Variants in CYP2J2 observed in about 807,000 individuals in gnomAD.
CYP2J2 encodes the protein cytochrome P450 2J2.
CYP2J2 carries 41 observed loss-of-function variants against 48.8 expected under a neutral mutation model. That is an observed-to-expected ratio of 0.84 (90% CI 0.66 to 1.09). The LOEUF (loss-of-function observed/expected upper bound fraction) is 1.09, where lower values mean the gene tolerates loss of function less well. Among genes scored for constraint, CYP2J2 ranks in the 50% least tolerant of loss-of-function variants. The probability of loss-of-function intolerance (pLI) is 0.00; values close to 1 mark genes in which losing one functional copy is unlikely to be tolerated. For synonymous variants in CYP2J2, 221 were observed against 227.1 expected (o/e 0.97, Z 0.24); for missense variants, 644 against 617.3 (o/e 1.04, Z -0.46).
rs781630739 is a variant in CYP2J2 at position 59,909,817 on chromosome 1, G to A, written c.828C>T (p.Asp276=). Residue 276 remains aspartate (D), a synonymous_variant, in exon 5 of 9, where the codon GAC becomes GAT. Coordinates refer to ENST00000371204, the MANE Select transcript of CYP2J2 (RefSeq NM_000775.4). Reference sequence around the variant, plus strand: ...TTTCTTTAAGGTAAGCATCAATAAAGTCTCTTGTTTCTGCAGGATTCCAAT... The same window carrying A: ...TTTCTTTAAGGTAAGCATCAATAAAATCTCTTGTTTCTGCAGGATTCCAAT... ...RKDWNPAETR[D]FIDAYLKEMS... 2 of 1,597,398 alleles carry A rather than the reference G, an allele frequency of 1.3e-6. No homozygotes were observed. Among genetic ancestry groups the A allele is most frequent in the South Asian group, 2.3e-5 (2 of 87,002 alleles).
chr1:59,921,211 C>A (rs985584830), intron 1 of CYP2J2, among the ~76,000 whole-genome samples: 4 of 152,270 alleles, frequency 2.6e-5, no homozygotes, highest in Admixed American at 2.6e-4. Context: ...CTAACCATGT[C>A]ATGAAAAGTC....
the CYP2J2 span, among the ~76,000 whole-genome samples, chr1:59,954,111 C>T: frequency 1.3e-5 from 2 of 152,146 alleles, no homozygotes; most frequent in Non-Finnish European, 1.5e-5. Context: ...CTACTTCCCC[C>T]ATCCTGATAT....
chr1:59,904,904 A>T lies in CYP2J2; in HGVS notation c.1158T>A (p.Val386=). 2.5e-6 allele frequency: 4 copies of T among 1,613,882 alleles called. No individual in the cohort carries two copies. The South Asian group carries it at 3.3e-5, about 13-fold the overall frequency. ...GGTGGTACCCAGCCAAAGTGGTATC[A>T]ACTGTCACTTCCCTGGGAACGTTCA... ...IPLNVPREVT[V]DTTLAGYHLP... is the part of the protein sequence containing the mutation. The change falls in exon 7 of 9, where the codon GTT becomes GTA. Residue 386 remains valine (V), a synonymous_variant. Transcript: ENST00000371204.
chr1:59,965,800 C>A, the CYP2J2 span, among the ~76,000 whole-genome samples: 18 of 152,166 alleles, frequency 1.2e-4, no homozygotes, highest in Admixed American at 1.0e-3. Context: ...TACAGGCACC[C>A]CCCACCGTGC....
At chr1:59,901,150 G>A in intron 7 of CYP2J2, 47 bp from the exon 8 acceptor site, 1 of 1,594,482 alleles carries the variant, frequency 6.3e-7, no homozygotes, top group Non-Finnish European at 8.6e-7. Context: ...CCATGAAAAA[G>A]CACACCTATG....
chr1:59,963,334 G>C, the CYP2J2 span, among the ~76,000 whole-genome samples: 1,006 of 152,194 alleles, frequency 6.6e-3, 4 homozygotes, highest in East Asian at 0.023. Flanking sequence ...CTCTGTACTC[G>C]TTAAGCCATA....
chr1:59,940,205 G>A, the CYP2J2 span, among the ~76,000 whole-genome samples: 7 of 152,116 alleles, frequency 4.6e-5, no homozygotes, highest in Non-Finnish European at 8.8e-5. Context: ...CCAGAAAGTC[G>A]CAGAGTCTCA....
At chr1:59,911,461 T>G (rs1570693) in intron 4 of CYP2J2, 147 bp downstream of exon 4, 150,336 of 562,038 alleles carry the variant, frequency 0.27, 21,562 homozygotes, top group African/African-American at 0.43. Context: ...TCAATAGATT[T>G]ATTTCAAATA....
the CYP2J2 span, among the ~76,000 whole-genome samples, chr1:59,959,118 C>T: frequency 6.6e-6 from 1 of 152,224 alleles, no homozygotes; most frequent in South Asian, 2.1e-4. Context: ...CAATTAGGCC[C>T]CTTGTCCTTT....
chr1:59,907,940 A>G lies in CYP2J2; in HGVS notation c.862-13T>C. ...GATTGCCTGTGTGCTAGAAAACACAATGTTTGATGTTATTTATTGGTTTAT... is the reference window on the plus strand; with the variant it reads ...GATTGCCTGTGTGCTAGAAAACACAGTGTTTGATGTTATTTATTGGTTTAT... On this transcript the variant is annotated splice_polypyrimidine_tract_variant and intron_variant, in intron 5 of 8. Transcript: ENST00000371204. The G allele has an allele frequency of 6.2e-7, 1 of 1,613,468 alleles. No individual in the cohort carries two copies. Among genetic ancestry groups the G allele is most frequent in the South Asian group, 1.1e-5 (1 of 91,036 alleles).
At chr1:59,940,750 A>G in the CYP2J2 span, among the ~76,000 whole-genome samples, 1 of 152,220 alleles carries the variant, frequency 6.6e-6, no homozygotes, top group African/African-American at 2.4e-5. Flanking sequence ...GTGTCCATCA[A>G]TAGATTAGTA....
At chr1:59,903,594 A>G (rs2102112074) in intron 7 of CYP2J2, among the ~76,000 whole-genome samples, 1 of 152,316 alleles carries the variant, frequency 6.6e-6, no homozygotes, top group East Asian at 1.9e-4. Flanking sequence ...GTAATGGTTC[A>G]ATCATACTCC....
chr1:59,919,022 A>C (rs1278185236), intron 1 of CYP2J2, among the ~76,000 whole-genome samples: 1 of 152,222 alleles, frequency 6.6e-6, no homozygotes, highest in Admixed American at 6.5e-5. Flanking sequence ...TTTAATAACC[A>C]ACAGAACAAA....
chr1:59,893,916 A>G, intron 8 of CYP2J2, 87 bp from the exon 9 acceptor site: 1 of 1,342,038 alleles, frequency 7.5e-7, no homozygotes, highest in Non-Finnish European at 1.0e-6. Context: ...TATCCCCAAA[A>G]AAATGGAGCA....
chr1:59,953,340 G>A, the CYP2J2 span, among the ~76,000 whole-genome samples: 1 of 152,046 alleles, frequency 6.6e-6, no homozygotes, highest in Non-Finnish European at 1.5e-5. Context: ...TACTGTTCTA[G>A]GTCCTAGAAC....
chr1:59,922,768 C>G (rs1035511519), intron 1 of CYP2J2, among the ~76,000 whole-genome samples: 2 of 152,154 alleles, frequency 1.3e-5, no homozygotes, highest in Non-Finnish European at 2.9e-5. Context: ...TCTCTCTAGC[C>G]AAAGGACCAG....
At chr1:59,961,596 A>G in the CYP2J2 span, among the ~76,000 whole-genome samples, 1 of 152,154 alleles carries the variant, frequency 6.6e-6, no homozygotes, top group African/African-American at 2.4e-5. Flanking sequence ...TAGAGTTACC[A>G]TATAACCCAG....
At position 59,907,804 on chromosome 1, in the gene CYP2J2, G is replaced by A. The variant is rs878977607; in HGVS notation, c.985C>T (p.Leu329Phe). Residue 329 changes from leucine to phenylalanine, a missense_variant, in exon 6 of 9, where the codon CTC becomes TTC. Transcript: ENST00000371204. Reference sequence around the variant, plus strand: ...TGCTCACCTTGGATTTCTGGGTAGAGGGCCATATAAAGCAGAGCCCATCGC... The same window carrying A: ...TGCTCACCTTGGATTTCTGGGTAGAAGGCCATATAAAGCAGAGCCCATCGC... ...TLRWALLYMA[L>F]YPEIQEKVQA... 2.5e-6 allele frequency: 4 copies of A among 1,613,826 alleles called. No individual in the cohort carries two copies. The highest frequency in any genetic ancestry group is 3.4e-6 in the Non-Finnish European group (4 of 1,179,930).
the CYP2J2 span, among the ~76,000 whole-genome samples, chr1:59,944,551 A>G: frequency 2.0e-5 from 3 of 152,198 alleles, no homozygotes; most frequent in African/African-American, 7.2e-5. Context: ...TCTGTAGGAC[A>G]AATTCATAAA....
Sources: allele counts gnomAD v4.1 joint callset (sites outside exome capture counted in the v4.1 genomes callset), GRCh38; gene constraint gnomAD v4.1.1; transcripts MANE v1.5; gene names NCBI Gene and HGNC (gene_info 2026-07-23, HGNC 2026-07-21).